The following PIK3C2G variants were observed in gnomAD, a reference collection of about 807,000 sequenced individuals.
The protein encoded by PIK3C2G is phosphatidylinositol-4-phosphate 3-kinase catalytic subunit type 2 gamma.
In PIK3C2G, 168 loss-of-function variants were observed where a neutral mutation model predicts 181.1. The observed-to-expected ratio is 0.93, with a 90% confidence interval of 0.82 to 1.05. The LOEUF (loss-of-function observed/expected upper bound fraction) is 1.05, where lower values mean the gene tolerates loss of function less well. Ranked by LOEUF, PIK3C2G falls within the 50% of genes least tolerant of loss-of-function variation. The pLI is 0.00. For synonymous variants in PIK3C2G, 573 were observed against 592.2 expected (o/e 0.97, Z 0.47); for missense variants, 1,869 against 1,732.8 (o/e 1.08, Z -1.40).
chr12:18,314,057 C>T lies in PIK3C2G; in HGVS notation c.1130C>T (p.Ser377Phe). 2 of 1,531,530 alleles carry T rather than the reference C, an allele frequency of 1.3e-6. No homozygotes were observed. Among genetic ancestry groups the T allele is most frequent in the South Asian group, 2.4e-5 (2 of 84,650 alleles). The allele number at this position is 1,531,530 out of a possible 1,614,324, so 94.9% of individuals were successfully genotyped here. The part of the protein sequence containing the change: ...QKSREAPGKL[S>F]RKHEEDHSQF... Reference sequence around the variant, plus strand: ...AGTAGGGAAGCTCCAGGAAAGCTATCTCGAAAGGTAAGACTTTCTTAGCAT... The same window carrying T: ...AGTAGGGAAGCTCCAGGAAAGCTATTTCGAAAGGTAAGACTTTCTTAGCAT... Residue 377 changes from serine (S) to phenylalanine (F), a missense_variant, in exon 6 of 33, where the codon TCT becomes TTT. By Grantham distance (155) the Ser-to-Phe change is radical (BLOSUM62 -2). Transcript: ENST00000538779.
chr12:18,386,770 G>A (rs1417232348), intron 14 of PIK3C2G, among the ~76,000 whole-genome samples: 2 of 152,102 alleles, frequency 1.3e-5, no homozygotes, highest in Non-Finnish European at 2.9e-5. Flanking sequence ...GAATATTGCT[G>A]TTATGAACAT....
At chr12:18,683,716 G>T in the PIK3C2G span, 1 of 990,498 alleles carries the variant, frequency 1.0e-6, no homozygotes, top group South Asian at 1.3e-5. Flanking sequence ...CAACATAAAG[G>T]TAGTCAGCCC....
Position 18,362,835 on chromosome 12 carries a change from G to C in PIK3C2G, c.1697G>C (p.Arg566Thr), listed in dbSNP as rs1212556491. 6.6e-7 allele frequency: 1 copy of C among 1,521,774 alleles called. No homozygotes were observed. Among genetic ancestry groups the C allele is most frequent in the Non-Finnish European group, 8.8e-7 (1 of 1,138,906 alleles). 94.3% of individuals were successfully genotyped at this position (1,521,774 alleles called of 1,614,324 possible). Residue 566 changes from arginine to threonine, a missense_variant, in exon 12 of 33, where the codon AGA (arginine) becomes ACA (threonine). Coordinates refer to ENST00000538779, the MANE Select transcript of PIK3C2G (RefSeq NM_001288772.2). ...AAGCTGTGCCAAGTGAGAAACTACA[G>C]AAATATTCCAGACAAGAAATTATTT... ...GKKLCQVRNY[R>T]NIPDKKLFFF...
intron 4 of PIK3C2G, among the ~76,000 whole-genome samples, chr12:18,293,142 C>A (rs1035906787): frequency 4.6e-5 from 7 of 152,012 alleles, no homozygotes; most frequent in African/African-American, 1.7e-4. Context: ...GTGAATATAA[C>A]CTGTATAACA....
At chr12:18,388,865 T>C (rs1175577786) in intron 14 of PIK3C2G, among the ~76,000 whole-genome samples, 1 of 152,164 alleles carries the variant, frequency 6.6e-6, no homozygotes, top group Non-Finnish European at 1.5e-5. Context: ...AGCTGTGAAT[T>C]AGAAGGGAGG....
At chr12:18,606,066 A>G (rs1353213317) in intron 30 of PIK3C2G, among the ~76,000 whole-genome samples, 2 of 152,184 alleles carry the variant, frequency 1.3e-5, no homozygotes, top group Non-Finnish European at 2.9e-5. Context: ...TCCTACTGCT[A>G]CATTGACTAC....
At chr12:18,719,454 T>C in the PIK3C2G span, 19 of 1,539,188 alleles carry the variant, frequency 1.2e-5, no homozygotes, top group Admixed American at 1.9e-5. Context: ...AAAGGTCACT[T>C]GGTCCCAATA....
At chr12:18,248,417 T>A (rs535524787) in intron 1 of PIK3C2G, among the ~76,000 whole-genome samples, 1 of 151,742 alleles carries the variant, frequency 6.6e-6, no homozygotes, top group South Asian at 2.1e-4. Flanking sequence ...CTAAAAAAAA[T>A]ACAAAAAATT....
chr12:18,598,811 A>G (rs972781625), intron 30 of PIK3C2G, among the ~76,000 whole-genome samples: 3 of 151,574 alleles, frequency 2.0e-5, no homozygotes, highest in African/African-American at 4.8e-5. Context: ...AGAAAAAACA[A>G]ACAACCCCAT....
In PIK3C2G at chr12:18,648,121, C is replaced by A; in HGVS notation, c.*93C>A. Reference sequence around the variant, plus strand: ...CACATAAGTAAGGCATCTTTGTTGTCAAAGACAGCACAGGGTATTAAGGAC... The same window carrying A: ...CACATAAGTAAGGCATCTTTGTTGTAAAAGACAGCACAGGGTATTAAGGAC... On this transcript the variant is annotated 3_prime_UTR_variant, in exon 33 of 33. Coordinates refer to ENST00000538779, the MANE Select transcript of PIK3C2G (RefSeq NM_001288772.2). The A allele has an allele frequency of 2.9e-6, 2 of 683,864 alleles. No homozygotes were observed. Among genetic ancestry groups the A allele is most frequent in the Non-Finnish European group, 2.3e-6 (1 of 436,720 alleles). The allele number at this position is 683,864 out of a possible 1,614,324, so 42.4% of individuals were successfully genotyped here.
chr12:18,689,236 C>T, the PIK3C2G span, among the ~76,000 whole-genome samples: 1 of 151,936 alleles, frequency 6.6e-6, no homozygotes, highest in African/African-American at 2.4e-5. Flanking sequence ...AGACCCTTCC[C>T]AAAATGGAGT....
At chr12:18,408,378 T>A (rs1944658757) in intron 16 of PIK3C2G, among the ~76,000 whole-genome samples, 1 of 152,192 alleles carries the variant, frequency 6.6e-6, no homozygotes, top group Non-Finnish European at 1.5e-5. Context: ...GTTGTAGATG[T>A]CTGGCATTAT....
At chr12:18,312,662 C>A (rs930917793) in intron 5 of PIK3C2G, among the ~76,000 whole-genome samples, 3 of 151,926 alleles carry the variant, frequency 2.0e-5, no homozygotes, top group Non-Finnish European at 2.9e-5. Flanking sequence ...AACAACTCAG[C>A]GAACAGTGTA....
At chr12:18,299,018 C>T (rs1950065170) in intron 5 of PIK3C2G, among the ~76,000 whole-genome samples, 1 of 151,910 alleles carries the variant, frequency 6.6e-6, no homozygotes, top group South Asian at 2.1e-4. Flanking sequence ...CTCAAGATTG[C>T]ATTCACTATT....
At chr12:18,445,835 T>C (rs1946991295) in intron 18 of PIK3C2G, among the ~76,000 whole-genome samples, 1 of 152,194 alleles carries the variant, frequency 6.6e-6, no homozygotes, top group African/African-American at 2.4e-5. Flanking sequence ...TATTCTACTA[T>C]TCACGTAAAA....
chr12:18,640,051 T>G (rs150631094), intron 31 of PIK3C2G, among the ~76,000 whole-genome samples: 2 of 152,048 alleles, frequency 1.3e-5, no homozygotes, highest in East Asian at 3.9e-4. Context: ...TTTTTTAATT[T>G]TCAAAAGTGG....
chr12:18,310,965 C>A (rs1221315640), intron 5 of PIK3C2G, among the ~76,000 whole-genome samples: 1 of 151,810 alleles, frequency 6.6e-6, no homozygotes, highest in African/African-American at 2.4e-5. Flanking sequence ...TTTATTTCAG[C>A]CCTCAAAGAA....
At chr12:18,422,403 A>T (rs923828127) in intron 17 of PIK3C2G, among the ~76,000 whole-genome samples, 10 of 152,070 alleles carry the variant, frequency 6.6e-5, no homozygotes, top group Non-Finnish European at 1.3e-4. Flanking sequence ...ACATTCCAAC[A>T]CATAAAAAAA....
chr12:18,246,888 G>A (rs10840991), upstream of PIK3C2G, among the ~76,000 whole-genome samples: 68,207 of 151,866 alleles, frequency 0.45, 15,732 homozygotes, highest in East Asian at 0.75. Context: ...ATAAGAAGAC[G>A]AATACTATCA....
Sources: gnomAD v4.1 joint callset for allele counts (sites outside exome capture counted in the v4.1 genomes callset) on GRCh38, gnomAD v4.1.1 for gene constraint, MANE v1.5 for transcripts, NCBI Gene and HGNC (gene_info 2026-07-23, HGNC 2026-07-21) for gene names.